The following SLC16A3 variants were observed in gnomAD, a reference collection of about 807,000 sequenced individuals.
SLC16A3 encodes monocarboxylate transporter 4.
SLC16A3 carries 22 observed loss-of-function variants against 25.0 expected under a neutral mutation model. That is an observed-to-expected ratio of 0.88 (90% CI 0.63 to 1.26). The LOEUF (loss-of-function observed/expected upper bound fraction) is 1.26, where lower values mean the gene tolerates loss of function less well. SLC16A3 is among the 50% of genes most tolerant of loss of function. The pLI is 0.00. For missense variants in SLC16A3, 731 were observed against 666.6 expected, an observed-to-expected ratio of 1.10 and a Z score of -1.06; for synonymous variants, 390 against 309.2, an observed-to-expected ratio of 1.26 and a Z score of -2.74.
intron 1 of SLC16A3, among the ~76,000 whole-genome samples, chr17:82,220,984 G>T (rs1412147349): frequency 6.6e-6 from 1 of 151,714 alleles, no homozygotes. Flanking sequence ...CCACCACACC[G>T]GGCTAATTTT....
intron 1 of SLC16A3, among the ~76,000 whole-genome samples, chr17:82,221,767 G>GGCA (rs1054342654): frequency 6.6e-5 from 10 of 152,056 alleles, no homozygotes; most frequent in African/African-American, 2.4e-5. Context: ...GGGCTGGTGT[G>GGCA]GCAGCACGGG....
intron 4 of SLC16A3, 28 bp from the exon 5 acceptor site, chr17:82,238,674 G>A (rs372600974): frequency 1.9e-5 from 30 of 1,591,706 alleles, no homozygotes; most frequent in Middle Eastern, 3.9e-4. Context: ...CCGCATGAGC[G>A]GCTGGGACTG....
At chr17:82,228,521 G>C (rs2050442611), upstream of SLC16A3, 3 of 152,430 alleles carry the variant, frequency 2.0e-5, no homozygotes. Flanking sequence ...GACCGGAGAG[G>C]AAGCGGAGGT....
exon 1 of SLC16A3, among the ~76,000 whole-genome samples, chr17:82,217,943 G>A (rs146847805): frequency 1.6e-3 from 241 of 152,316 alleles, no homozygotes; most frequent in Middle Eastern, 6.8e-3. Context: ...CACTCCCCAG[G>A]CCCCCGGCCC....
chr17:82,238,650 G>C (rs1292305432), intron 4 of SLC16A3, 52 bp from the exon 5 acceptor site: 2 of 1,553,248 alleles, frequency 1.3e-6, no homozygotes, highest in African/African-American at 2.7e-5. Flanking sequence ...GGAGCCGTGG[G>C]CCCTGGGGGC....
chr17:82,230,802 C>T (rs2050481536), intron 1 of SLC16A3: 1 of 152,184 alleles, frequency 6.6e-6, no homozygotes, highest in Admixed American at 6.5e-5. Flanking sequence ...TCAGGGCGTC[C>T]TCCTAGCGTC....
chr17:82,235,551 CT>C (rs2050582133), intron 1 of SLC16A3: 1 of 208,446 alleles, frequency 4.8e-6, no homozygotes, highest in Non-Finnish European at 1.0e-5. Flanking sequence ...CCCAGAGGTC[CT>C]GGGGCGAGCT....
At chr17:82,234,059 CTCGA>C (rs2050551667) in intron 1 of SLC16A3, 1 of 151,666 alleles carries the variant, frequency 6.6e-6, no homozygotes, top group Admixed American at 6.6e-5. Context: ...CCAGGATGGT[CTCGA>C]TCTCCTGACC....
Position 82,223,177 on chromosome 17 carries a change from A to AATTATT in SLC16A3, c.-27+5006_-27+5011dup, listed in dbSNP as rs533147045. On this transcript the variant is annotated intron_variant, in intron 1 of 4. Coordinates refer to the SLC16A3 transcript ENST00000580098. Reference sequence around the variant, plus strand: ...TACAAGAGCTCTACCTTAATTAATTAATTATTATTATTATTATTTCTGAGA... The same window carrying AATTATT: ...TACAAGAGCTCTACCTTAATTAATTAATTATTATTATTATTATTATTATTTCTGAGA... Among the ~76,000 whole-genome samples the AATTATT allele has an allele frequency of 4.7e-4, 72 of 151,874 alleles. 2 individuals carry two copies. The highest frequency in any genetic ancestry group is 1.3e-3 in the African/African-American group (55 of 41,304).
rs2050718383 is a variant in SLC16A3, at chr17:82,239,963, G to A, written c.*987G>A. 1 of 1,230,882 alleles carries A rather than the reference G, an allele frequency of 8.1e-7. No individual in the cohort carries two copies. The highest frequency in any genetic ancestry group is 1.0e-6 in the Non-Finnish European group (1 of 985,302). 76.2% of individuals were successfully genotyped at this position (1,230,882 alleles called of 1,614,324 possible). A position where few individuals can be genotyped will look rare whatever the true frequency, so the allele number is the denominator to read the frequency against. On this transcript the variant is annotated 3_prime_UTR_variant, in exon 5 of 5. Transcript: ENST00000582743. ...TGCGTGGCTGGGAGCCCGGTCAGAGGCCGCCGGGGCCCTCAGTAGGTGCGT... is the reference window on the plus strand; with the variant it reads ...TGCGTGGCTGGGAGCCCGGTCAGAGACCGCCGGGGCCCTCAGTAGGTGCGT...
chr17:82,236,164 G>A lies in SLC16A3; in HGVS notation c.156G>A (p.Glu52=), dbSNP rs750897516. The change falls in exon 2 of 5, where the codon GAG becomes GAA. Residue 52 remains glutamate, a synonymous_variant. Transcript: ENST00000582743. The part of the protein sequence containing the change: ...VSVFFKELIQ[E]FGIGYSDTAW... Reference sequence around the variant, plus strand: ...TCTTCTTCAAGGAGCTCATACAGGAGTTTGGGATCGGCTACAGCGACACAG... The same window carrying A: ...TCTTCTTCAAGGAGCTCATACAGGAATTTGGGATCGGCTACAGCGACACAG... 3 of 1,613,298 alleles carry A rather than the reference G, an allele frequency of 1.9e-6. No individual in the cohort carries two copies. The highest frequency in any genetic ancestry group is 2.2e-5 in the East Asian group (1 of 44,882).
intron 2 of SLC16A3, 119 bp downstream of exon 2, chr17:82,236,350 G>A (rs2050601668): frequency 2.1e-6 from 2 of 958,890 alleles, no homozygotes; most frequent in Non-Finnish European, 1.6e-6. Flanking sequence ...ACCCTGGAGG[G>A]AAGCCCTTGG....
intron 2 of SLC16A3, 189 bp from the exon 3 acceptor site, chr17:82,236,540 C>A (rs1483354148): frequency 4.0e-6 from 3 of 755,740 alleles, no homozygotes; most frequent in Admixed American, 5.8e-5. Context: ...ACCCAAGGGG[C>A]CCAGCAGGCG....
Position 82,237,304 on chromosome 17 carries a change from C to A in SLC16A3, c.534C>A (p.Gly178=). Residue 178 remains glycine, a synonymous_variant, in exon 4 of 5, where the codon GGC becomes GGA. Coordinates refer to ENST00000582743, the MANE Select transcript of SLC16A3 (RefSeq NM_004207.4). ...QLLQDRYGWR[G]GFLILGGLLL... ...TGCAGGACCGCTACGGCTGGCGGGG[C>A]GGCTTCCTCATCCTGGGCGGCCTGC... 3 of 1,552,588 alleles carry A rather than the reference C, an allele frequency of 1.9e-6. No individual in the cohort carries two copies. Among genetic ancestry groups the A allele is most frequent in the Non-Finnish European group, 2.6e-6 (3 of 1,148,438 alleles).
At chr17:82,223,013 A>G (rs2050398846) in intron 1 of SLC16A3, among the ~76,000 whole-genome samples, 1 of 152,024 alleles carries the variant, frequency 6.6e-6, no homozygotes, top group Non-Finnish European at 1.5e-5. Context: ...TGTGGGAAGG[A>G]GGATGGGGAG....
At chr17:82,236,523 T>G (rs2050606006) in intron 2 of SLC16A3, 1 of 678,980 alleles carries the variant, frequency 1.5e-6, no homozygotes. Flanking sequence ...GTTCCTGAGC[T>G]GCAGGGACCC....
At chr17:82,218,749 G>C (rs986961646) in intron 1 of SLC16A3, among the ~76,000 whole-genome samples, 1 of 152,204 alleles carries the variant, frequency 6.6e-6, no homozygotes, top group Non-Finnish European at 1.5e-5. Context: ...GGTACCCTCC[G>C]GCTGTGCGTG....
chr17:82,236,297 T>G, intron 2 of SLC16A3, 66 bp downstream of exon 2: 1 of 1,461,550 alleles, frequency 6.8e-7, no homozygotes, highest in Non-Finnish European at 9.5e-7. Context: ...TGGGCGCGTG[T>G]AGCTGGGCTC....
At position 82,238,796 on chromosome 17, in the gene SLC16A3, C is replaced by A; in HGVS notation, c.1218C>A (p.Asn406Lys). Residue 406 changes from asparagine (N) to lysine (K), a missense_variant, in exon 5 of 5, where the codon AAC (asparagine) becomes AAA (lysine). Asn to Lys is a moderately conservative substitution (Grantham distance 94). Coordinates refer to ENST00000582743, the MANE Select transcript of SLC16A3 (RefSeq NM_004207.4). Reference protein sequence around the residue: ...LTSSLILLLGNFFCIRKKPKE... With the variant: ...LTSSLILLLGKFFCIRKKPKE... ...CCTCCCTGATTTTGCTGCTGGGCAA[C>A]TTCTTCTGCATTAGGAAGAAGCCCA... is the stretch of plus-strand genomic sequence containing the variant. The A allele has an allele frequency of 6.2e-7, 1 of 1,612,722 alleles. No homozygotes were observed. The highest frequency in any genetic ancestry group is 8.5e-7 in the Non-Finnish European group (1 of 1,179,874).
Sources: allele counts gnomAD v4.1 joint callset (sites outside exome capture counted in the v4.1 genomes callset), GRCh38; gene constraint gnomAD v4.1.1; transcripts MANE v1.5; gene names NCBI Gene and HGNC (gene_info 2026-07-23, HGNC 2026-07-21).